Variants in FGF1 observed in about 807,000 individuals in gnomAD.
FGF1 encodes fibroblast growth factor 1.
FGF1 carries 9 observed loss-of-function variants against 13.4 expected under a neutral mutation model. The observed-to-expected ratio is 0.67, with a 90% confidence interval of 0.40 to 1.17. The LOEUF (loss-of-function observed/expected upper bound fraction) is 1.17, where lower values mean the gene tolerates loss of function less well. Among genes scored for constraint, FGF1 ranks in the 50% most tolerant of loss-of-function variants. The probability of loss-of-function intolerance (pLI) is 0.01; values close to 1 mark genes in which losing one functional copy is unlikely to be tolerated. For synonymous variants in FGF1, 93 were observed against 79.0 expected (o/e 1.18, Z -0.94); for missense variants, 156 against 192.7 (o/e 0.81, Z 1.13).
chr5:142,696,248 G>A (rs930312831), intron 2 of FGF1, among the ~76,000 whole-genome samples: 1 of 152,190 alleles, frequency 6.6e-6, no homozygotes. Context: ...AGAGGGAGGA[G>A]CTGCTATCAG....
chr5:142,636,364 C>T (rs1490240923), intron 1 of FGF1, among the ~76,000 whole-genome samples: 1 of 152,214 alleles, frequency 6.6e-6, no homozygotes, highest in Non-Finnish European at 1.5e-5. Flanking sequence ...AGGGAGGTGG[C>T]TCAGGATTAC....
intron 1 of FGF1, among the ~76,000 whole-genome samples, chr5:142,667,872 G>A (rs949950541): frequency 6.6e-6 from 1 of 152,192 alleles, no homozygotes; most frequent in Non-Finnish European, 1.5e-5. Flanking sequence ...GCCTGACGGT[G>A]ACTGTCTTCC....
intron 1 of FGF1, among the ~76,000 whole-genome samples, chr5:142,643,372 TG>T (rs1175667461): frequency 1.3e-5 from 2 of 152,174 alleles, no homozygotes; most frequent in Non-Finnish European, 2.9e-5. Flanking sequence ...AGATGATTTT[TG>T]TTTTCTTCTT....
chr5:142,686,564 G>GGA (rs1751263196), upstream of FGF1: 1 of 152,178 alleles, frequency 6.6e-6, no homozygotes, highest in Non-Finnish European at 1.5e-5. Flanking sequence ...GTCGTGGCTC[G>GGA]GAGACTCTCC....
At chr5:142,667,790 G>C (rs2152019796) in intron 1 of FGF1, among the ~76,000 whole-genome samples, 1 of 152,242 alleles carries the variant, frequency 6.6e-6, no homozygotes, top group East Asian at 1.9e-4. Flanking sequence ...GGCTCCCTGG[G>C]GCTACTTCCA....
intron 1 of FGF1, among the ~76,000 whole-genome samples, chr5:142,661,334 C>T (rs570825056): frequency 6.6e-6 from 1 of 152,278 alleles, no homozygotes; most frequent in Non-Finnish European, 1.5e-5. Context: ...CAAAAAGGCA[C>T]CCAATAACAA....
chr5:142,607,446 G>A (rs13173510), intron 2 of FGF1, among the ~76,000 whole-genome samples: 11,950 of 152,236 alleles, frequency 0.078, 786 homozygotes, highest in East Asian at 0.18. Context: ...AACAAGATAC[G>A]TCCATGGTCT....
chr5:142,641,132 G>C (rs997749547), intron 1 of FGF1, among the ~76,000 whole-genome samples: 14 of 152,086 alleles, frequency 9.2e-5, no homozygotes, highest in Non-Finnish European at 2.1e-4. Flanking sequence ...AATGCTTTGA[G>C]ACTTTCCAGT....
In FGF1 at chr5:142,595,048, C is replaced by A; in HGVS notation, c.*242G>T. The A allele has an allele frequency of 2.3e-6, 1 of 429,552 alleles. No individual in the cohort carries two copies. The highest frequency in any genetic ancestry group is 4.0e-5 in the Admixed American group (1 of 25,088). 26.6% of individuals were successfully genotyped at this position (429,552 alleles called of 1,614,324 possible). On this transcript the variant is annotated 3_prime_UTR_variant, in exon 4 of 4. Transcript: ENST00000337706. ...CAAGAGGCAATTGGAGATCCAAACC[C>A]AGACCCAGACTGGCCAGCCAGTTGA...
intron 1 of FGF1, among the ~76,000 whole-genome samples, chr5:142,683,294 G>A (rs969077379): frequency 1.3e-5 from 2 of 152,148 alleles, no homozygotes; most frequent in African/African-American, 2.4e-5. Context: ...AGAGGCGTTC[G>A]AACCAGAGCA....
chr5:142,643,251 A>G (rs1226058860), intron 1 of FGF1, among the ~76,000 whole-genome samples: 1 of 152,136 alleles, frequency 6.6e-6, no homozygotes, highest in Non-Finnish European at 1.5e-5. Context: ...CTGTAATTTA[A>G]AAGACAGTAT....
At chr5:142,669,026 G>C (rs964557443) in intron 1 of FGF1, among the ~76,000 whole-genome samples, 16 of 152,250 alleles carry the variant, frequency 1.1e-4, no homozygotes, top group Non-Finnish European at 1.9e-4. Flanking sequence ...CCCAGGGGTG[G>C]GCAAGTAGAG....
intron 2 of FGF1, among the ~76,000 whole-genome samples, chr5:142,606,218 C>CTGTGTG (rs61445131): frequency 0.039 from 5,515 of 143,056 alleles, 156 homozygotes; most frequent in South Asian, 0.13. Context: ...CTTTCTCTCT[C>CTGTGTG]TGTGTGTGTG....
intron 1 of FGF1, chr5:142,626,824 C>T (rs1158198542): frequency 1.3e-5 from 2 of 152,250 alleles, no homozygotes; most frequent in Admixed American, 6.5e-5. Context: ...AGGCCAGAGA[C>T]TCCTTCAGAC....
In FGF1 at chr5:142,640,586, C is replaced by T. The variant is rs1031905726; in HGVS notation, c.-34-26425G>A. Among the ~76,000 whole-genome samples, 4 of 152,072 alleles carry T rather than the reference C, an allele frequency of 2.6e-5. No homozygotes were observed. In the East Asian group the frequency reaches 5.8e-4, roughly 22 times the overall value. ...GTCTCAGAGAAGAAACAGCAGGATG[C>T]GGTACCTTCTTCCAGCTGTTATCCA... On this transcript the variant is annotated intron_variant, in intron 1 of 3. Coordinates refer to ENST00000337706, the MANE Select transcript of FGF1 (RefSeq NM_000800.5).
chr5:142,653,622 C>T (rs905681822), intron 1 of FGF1, among the ~76,000 whole-genome samples: 3 of 152,240 alleles, frequency 2.0e-5, no homozygotes, highest in African/African-American at 7.2e-5. Flanking sequence ...TTAACCCTGA[C>T]CCATCTTTCA....
rs139341145 is a variant in FGF1 at position 142,694,723 on chromosome 5, C to T, written c.-35+2899G>A. Among the ~76,000 whole-genome samples, 1,375 of 152,196 alleles carry T rather than the reference C, an allele frequency of 9.0e-3. 25 individuals are homozygous for T. The highest frequency in any genetic ancestry group is 0.031 in the African/African-American group (1,294 of 41,514). The stretch of plus-strand genomic sequence containing the variant: ...GGCAAGCTTAAATTCTAAAGCCTAC[C>T]CTCTAGCCAACATTTCCCGCAAAGA... On this transcript the variant is annotated intron_variant, in intron 2 of 4. Transcript: ENST00000407758.
intron 1 of FGF1, among the ~76,000 whole-genome samples, chr5:142,631,745 C>G (rs920138926): frequency 6.6e-6 from 1 of 151,026 alleles, no homozygotes. Flanking sequence ...ATCCTCTCAA[C>G]TCATTCCTTA....
chr5:142,646,484 C>T (rs149139038), intron 1 of FGF1, among the ~76,000 whole-genome samples: 4,757 of 152,192 alleles, frequency 0.031, 111 homozygotes, highest in Non-Finnish European at 0.048. Flanking sequence ...TCCCGAGTAG[C>T]TGGGATTACA....
Sources: allele counts gnomAD v4.1 joint callset (sites outside exome capture counted in the v4.1 genomes callset), GRCh38; gene constraint gnomAD v4.1.1; transcripts MANE v1.5; gene names NCBI Gene and HGNC (gene_info 2026-07-23, HGNC 2026-07-21).